Variants in TCF20 observed in about 807,000 individuals in gnomAD.
TCF20 encodes the protein SPRE-binding protein.
In TCF20, 3 loss-of-function variants were observed where a neutral mutation model predicts 148.6. That is an observed-to-expected ratio of 0.02 (90% CI 0.01 to 0.05). The LOEUF is 0.05. Ranked by LOEUF, TCF20 falls within the 10% of genes least tolerant of loss-of-function variation. The pLI is 1.00. For missense variants in TCF20, 2,350 were observed against 2,429.3 expected, an observed-to-expected ratio of 0.97 and a Z score of 0.69; for synonymous variants, 1,049 against 909.5, an observed-to-expected ratio of 1.15 and a Z score of -2.76.
In TCF20 at chr22:42,290,990, C is replaced by T. The variant is rs11913396; in HGVS notation, c.-37+52489G>A. Among the ~76,000 whole-genome samples the T allele has an allele frequency of 0.021, 3,186 of 152,264 alleles. 127 individuals are homozygous for T. The highest frequency in any genetic ancestry group is 0.072 in the African/African-American group (2,988 of 41,540). On this transcript the variant is annotated intron_variant, in intron 1 of 1. Coordinates refer to the TCF20 transcript ENST00000515426. The surrounding 1 kb of genome is among the most constrained non-coding windows in gnomAD (Gnocchi z 4.2). ...CCATTTACAAATAAGGAAACTGAGG[C>T]ATGGAGAGGTGAAGTAAGGGGTCCA...
rs376559280 is a variant in TCF20 at position 42,248,815 on chromosome 22, G to A, written c.-37+21524C>T. 4.6e-5 allele frequency among the ~76,000 whole-genome samples: 7 copies of A among 152,286 alleles called. No individual in the cohort carries two copies. The East Asian group carries it at 1.3e-3, about 29-fold the overall frequency. ...TAGGTGGAACTATGACCTTGCTATT[G>A]TCATTATCTGGAAATTAAGTATGGT... On this transcript the variant is annotated intron_variant, in intron 1 of 5. Coordinates refer to ENST00000677622, the MANE Select transcript of TCF20 (RefSeq NM_001378418.1).
At chr22:42,232,528 T>C (rs1387774943) in intron 1 of TCF20, among the ~76,000 whole-genome samples, 1 of 152,164 alleles carries the variant, frequency 6.6e-6, no homozygotes, top group Non-Finnish European at 1.5e-5. Context: ...TAGTCATCTT[T>C]CAGCAACTAG....
chr22:42,334,828 C>T (rs936273367), intron 1 of TCF20, among the ~76,000 whole-genome samples: 7 of 152,206 alleles, frequency 4.6e-5, no homozygotes, highest in African/African-American at 1.7e-4. Flanking sequence ...AGCACGTGGG[C>T]TCCTCAGTCC....
chr22:42,286,220 G>A (rs1927029051), upstream of TCF20, among the ~76,000 whole-genome samples: 1 of 152,216 alleles, frequency 6.6e-6, no homozygotes, highest in Non-Finnish European at 1.5e-5. Context: ...TTTGAGATTG[G>A]CCAAGGACAT....
rs1376385540 is a variant in TCF20, at chr22:42,211,855, T to A, written c.3451A>T (p.Thr1151Ser). 1 of 1,614,134 alleles carries A rather than the reference T, an allele frequency of 6.2e-7. No individual in the cohort carries two copies. The highest frequency in any genetic ancestry group is 1.1e-5 in the South Asian group (1 of 91,074). Residue 1151 changes from threonine to serine, a missense_variant, in exon 2 of 6, where the codon ACT becomes TCT. Thr to Ser is a moderately conservative substitution (Grantham distance 58). This residue lies in a region of TCF20 where 1,641 missense variants were observed against 1,662.6 expected (regional missense o/e 0.99). Coordinates refer to ENST00000677622, the MANE Select transcript of TCF20 (RefSeq NM_001378418.1). The part of the protein sequence containing the change: ...DGMMYGPPVG[T>S]YHDPSAQEAG... The stretch of plus-strand genomic sequence containing the variant: ...TCCTGGGCACTGGGGTCATGGTAAG[T>A]CCCCACTGGTGGGCCATACATCATA...
chr22:42,288,796 C>T (rs545988692), upstream of TCF20, among the ~76,000 whole-genome samples: 6 of 151,234 alleles, frequency 4.0e-5, no homozygotes, highest in South Asian at 1.3e-3. Context: ...CACTGTTCCA[C>T]CCCAAAAGGC....
intron 1 of TCF20, among the ~76,000 whole-genome samples, chr22:42,280,172 C>T (rs1601690579): frequency 6.6e-6 from 1 of 152,324 alleles, no homozygotes; most frequent in East Asian, 1.9e-4. Context: ...GGAAACCTTC[C>T]AAGAAAACCA....
At chr22:42,192,187 G>C (rs1480176206) in intron 2 of TCF20, among the ~76,000 whole-genome samples, 1 of 152,070 alleles carries the variant, frequency 6.6e-6, no homozygotes, top group East Asian at 1.9e-4. Context: ...CCAATTACTG[G>C]AAGCTGCTTA....
At chr22:42,207,961 G>C (rs1352354907) in intron 2 of TCF20, among the ~76,000 whole-genome samples, 1 of 152,236 alleles carries the variant, frequency 6.6e-6, no homozygotes, top group African/African-American at 2.4e-5. Flanking sequence ...GGCTGACGTG[G>C]GAGGATTGCT....
At chr22:42,208,393 G>A (rs1938533327) in intron 2 of TCF20, among the ~76,000 whole-genome samples, 1 of 152,288 alleles carries the variant, frequency 6.6e-6, no homozygotes, top group South Asian at 2.1e-4. Context: ...TTAGAAGACC[G>A]AAGTGGAAGG....
intron 2 of TCF20, among the ~76,000 whole-genome samples, chr22:42,183,703 T>A (rs747431700): frequency 2.2e-4 from 34 of 152,086 alleles, no homozygotes; most frequent in South Asian, 6.2e-4. Flanking sequence ...TAAGGTGTTA[T>A]GACAATGATA....
chr22:42,254,959 CAAAAAA>C (rs10625678), intron 1 of TCF20, among the ~76,000 whole-genome samples: 6 of 62,824 alleles, frequency 9.6e-5, no homozygotes, highest in African/African-American at 3.8e-4. Flanking sequence ...GACTCCGTCT[CAAAAAA>C]AAAAAAAAAA....
At chr22:42,174,395 C>A (rs994640393) in intron 3 of TCF20, among the ~76,000 whole-genome samples, 1 of 152,066 alleles carries the variant, frequency 6.6e-6, no homozygotes, top group Non-Finnish European at 1.5e-5. Flanking sequence ...ATCAGCAGAA[C>A]GGGGGCAGCC....
At chr22:42,207,808 C>T (rs6002655) in intron 2 of TCF20, among the ~76,000 whole-genome samples, 74,311 of 151,608 alleles carry the variant, frequency 0.49, 19,001 homozygotes, top group East Asian at 0.66. Context: ...AGAGCGAAAC[C>T]CCATCTCAAT....
At position 42,214,859 on chromosome 22, in the gene TCF20, C is replaced by T; in HGVS notation, c.447G>A (p.Val149=). Residue 149 remains valine (V), a synonymous_variant, in exon 2 of 6, where the codon GTG becomes GTA. Coordinates refer to ENST00000677622, the MANE Select transcript of TCF20 (RefSeq NM_001378418.1). ...CAGTGTAATCCTGCTGATAATGTGA[C>T]ACACCGCCAAGGCCAGAGTGCTGTG... ...FQAQHSGLGG[V]SHYQQDYTGP... is the part of the protein sequence containing the mutation. 6.2e-7 allele frequency: 1 copy of T among 1,614,158 alleles called. No individual in the cohort carries two copies. The highest frequency in any genetic ancestry group is 8.5e-7 in the Non-Finnish European group (1 of 1,180,030).
chr22:42,341,346 T>G (rs947505676), intron 1 of TCF20, among the ~76,000 whole-genome samples: 2 of 152,082 alleles, frequency 1.3e-5, no homozygotes, highest in Non-Finnish European at 2.9e-5. Context: ...GGGCCTGACA[T>G]AACTCTCCCT....
intron 5 of TCF20, among the ~76,000 whole-genome samples, chr22:42,168,301 A>C (rs1361007272): frequency 1.3e-5 from 2 of 152,134 alleles, no homozygotes; most frequent in African/African-American, 4.8e-5. Flanking sequence ...TGCCCTGCCC[A>C]AGAAAGAGAC....
At chr22:42,313,727 G>A (rs772682950) in intron 1 of TCF20, among the ~76,000 whole-genome samples, 2 of 151,728 alleles carry the variant, frequency 1.3e-5, no homozygotes, top group Non-Finnish European at 2.9e-5. Context: ...AGCCTCCCGA[G>A]TAGCTGGGAT....
intron 1 of TCF20, among the ~76,000 whole-genome samples, chr22:42,231,650 C>T (rs1293598975): frequency 1.3e-5 from 2 of 152,088 alleles, no homozygotes; most frequent in East Asian, 3.8e-4. Flanking sequence ...GTAATCTGGC[C>T]AGGGACTGGT....
Sources: gnomAD v4.1 joint callset for allele counts (sites outside exome capture counted in the v4.1 genomes callset) on GRCh38, gnomAD v4.1.1 for gene constraint, gnomAD v4.1.1 regional missense constraint, Gnocchi (gnomAD v3.1) non-coding constraint, MANE v1.5 for transcripts, NCBI Gene and HGNC (gene_info 2026-07-23, HGNC 2026-07-21) for gene names.